The following LPIN2 variants were observed in gnomAD, a reference collection of about 807,000 sequenced individuals.
LPIN2 encodes lipin 2, also known as phosphatidate phosphatase LPIN2.
Under a neutral mutation model 111.4 loss-of-function variants are expected in LPIN2, and 55 were observed. The ratio of observed to expected loss-of-function variants is 0.49; its 90% CI spans 0.40 to 0.62. LPIN2 has a LOEUF of 0.62. Ranked by LOEUF, LPIN2 falls within the 20% of genes least tolerant of loss-of-function variation. The pLI is 0.00. For synonymous variants in LPIN2, 425 were observed against 414.0 expected, an observed-to-expected ratio of 1.03 and a Z score of -0.32; for missense variants, 992 against 1,112.1, an observed-to-expected ratio of 0.89 and a Z score of 1.54.
rs1397526157 is a variant in LPIN2 at position 2,925,220 on chromosome 18, T to C, written c.1938+4A>G. ...CTGGACAACACAGATCATGCAAGAC[T>C]CACGATCTGGTCTGAGGAGAGGCGG... On this transcript the variant is annotated splice_donor_region_variant and intron_variant, in intron 14 of 19. Coordinates refer to ENST00000677752, the MANE Select transcript of LPIN2 (RefSeq NM_001375808.2). This position sits in a 1 kb window ranked among gnomAD's most constrained non-coding sequence, Gnocchi z 4.1. 4.3e-6 allele frequency: 7 copies of C among 1,614,054 alleles called. No homozygotes were observed. In the South Asian group the frequency reaches 4.4e-5, roughly 10 times the overall value.
chr18:2,934,852 A>T (rs2077263946), intron 7 of LPIN2, among the ~76,000 whole-genome samples: 1 of 152,230 alleles, frequency 6.6e-6, no homozygotes, highest in African/African-American at 2.4e-5. Context: ...GGCACAGGAT[A>T]TTCACATGGT....
intron 1 of LPIN2, chr18:2,982,565 C>T: frequency 2.6e-6 from 1 of 385,240 alleles, no homozygotes; most frequent in South Asian, 2.2e-5. Flanking sequence ...TAAGAAAGGG[C>T]ATTAGTCTTT....
intron 1 of LPIN2, among the ~76,000 whole-genome samples, chr18:2,975,461 A>T (rs561137193): frequency 1.6e-4 from 25 of 152,192 alleles, no homozygotes; most frequent in African/African-American, 5.8e-4. Flanking sequence ...CAGCCTCTCG[A>T]GTAGCCGGGA....
rs1410707883 is a variant in LPIN2 at position 2,919,214 on chromosome 18, G to A, written c.*1079C>T. On this transcript the variant is annotated 3_prime_UTR_variant, in exon 20 of 20. Transcript: ENST00000677752. ...GGGCTAGGCTGGGGACACTGCTCGG[G>A]GGGCAGTCTGCTCCATAGGAGCTCC... The A allele has an allele frequency of 6.6e-6, 1 of 152,242 alleles. No individual in the cohort carries two copies. The highest frequency in any genetic ancestry group is 1.5e-5 in the Non-Finnish European group (1 of 68,076). 9.4% of individuals were successfully genotyped at this position (152,242 alleles called of 1,614,324 possible).
Position 2,921,659 on chromosome 18 carries a change from A to T in LPIN2, c.2328-12T>A. ...TTTCTATCACTTCTCTAAGAAAAAAATACAAATACAATCACCAATCTCAAA... is the reference window on the plus strand; with the variant it reads ...TTTCTATCACTTCTCTAAGAAAAAATTACAAATACAATCACCAATCTCAAA... On this transcript the variant is annotated splice_polypyrimidine_tract_variant and intron_variant, in intron 17 of 19. Coordinates refer to ENST00000677752, the MANE Select transcript of LPIN2 (RefSeq NM_001375808.2). 1 of 1,544,720 alleles carries T rather than the reference A, an allele frequency of 6.5e-7. No individual in the cohort carries two copies. The highest frequency in any genetic ancestry group is 9.0e-7 in the Non-Finnish European group (1 of 1,116,892).
At chr18:2,954,689 T>A in intron 2 of LPIN2, 90 bp from the exon 3 acceptor site, 1 of 942,900 alleles carries the variant, frequency 1.1e-6, no homozygotes, top group Non-Finnish European at 1.7e-6. Flanking sequence ...AAGTCAAACT[T>A]AGCATAGTTT....
At chr18:2,933,536 C>G (rs911826203) in intron 8 of LPIN2, among the ~76,000 whole-genome samples, 1 of 152,190 alleles carries the variant, frequency 6.6e-6, no homozygotes, top group Non-Finnish European at 1.5e-5. Context: ...GTTTTAAGAA[C>G]TTTCCCAAAA....
rs1417460855 is a variant in LPIN2, at chr18:2,925,345, C to G, written c.1817G>C (p.Ser606Thr). ...TTCGAGCTCCTGTGATCCCTCGTCA[C>G]TCGAGGAGTCATTCTCGGCCGGCCT... ...GARPAENDSS[S>T]DEGSQELEES... Residue 606 changes from serine to threonine, a missense_variant, in exon 14 of 20, where the codon AGT becomes ACT. By Grantham distance (58) the Ser-to-Thr change is moderately conservative. Transcript: ENST00000677752. The surrounding 1 kb of genome is among the most constrained non-coding windows in gnomAD (Gnocchi z 4.1). The G allele has an allele frequency of 1.9e-6, 3 of 1,614,012 alleles. No individual in the cohort carries two copies. Among genetic ancestry groups the G allele is most frequent in the Non-Finnish European group, 2.5e-6 (3 of 1,180,022 alleles).
Position 2,917,373 on chromosome 18 carries a change from G to A in LPIN2, c.*2920C>T, listed in dbSNP as rs1197928912. The A allele has an allele frequency of 1.3e-5, 2 of 151,752 alleles. No homozygotes were observed. Among genetic ancestry groups the A allele is most frequent in the African/African-American group, 4.9e-5 (2 of 41,028 alleles). 9.4% of individuals were successfully genotyped at this position (151,752 alleles called of 1,614,324 possible). ...GGGAAAACATCGAAATTCCCCGGAAGTCTGTTTTTGCCAACTTGTAAAAAG... is the reference window on the plus strand; with the variant it reads ...GGGAAAACATCGAAATTCCCCGGAAATCTGTTTTTGCCAACTTGTAAAAAG... On this transcript the variant is annotated 3_prime_UTR_variant, in exon 20 of 20. Coordinates refer to ENST00000677752, the MANE Select transcript of LPIN2 (RefSeq NM_001375808.2).
rs2077117999 is a variant in LPIN2 at position 2,925,502 on chromosome 18, CTCCCATA to C, written c.1794-141_1794-135del. Reference sequence around the variant, plus strand: ...GGGTAGAGTTATCCCTTCTGCCATTCTCCCATATCCACAGCTCTGTACGCCTGAAATA... The same window carrying C: ...GGGTAGAGTTATCCCTTCTGCCATTCTCCACAGCTCTGTACGCCTGAAATA... On this transcript the variant is annotated intron_variant, in intron 13 of 19. Transcript: ENST00000677752. The surrounding 1 kb of genome is among the most constrained non-coding windows in gnomAD (Gnocchi z 4.1). 3 of 1,191,950 alleles carry C rather than the reference CTCCCATA, an allele frequency of 2.5e-6. No homozygotes were observed. In the South Asian group the frequency reaches 3.8e-5, roughly 15 times the overall value. The allele number at this position is 1,191,950 out of a possible 1,614,324, so 73.8% of individuals were successfully genotyped here.
chr18:2,957,272 G>A (rs529759550), intron 2 of LPIN2, among the ~76,000 whole-genome samples: 1 of 152,260 alleles, frequency 6.6e-6, no homozygotes, highest in East Asian at 1.9e-4. Flanking sequence ...CAAGCTGAGT[G>A]TCTCAAATCC....
chr18:2,964,633 G>A (rs928726760), intron 1 of LPIN2, among the ~76,000 whole-genome samples: 1 of 152,196 alleles, frequency 6.6e-6, no homozygotes, highest in Admixed American at 6.5e-5. Flanking sequence ...TGTTGTTTAA[G>A]CCAAATACCA....
intron 8 of LPIN2, 127 bp from the exon 9 acceptor site, chr18:2,931,570 T>G: frequency 1.2e-6 from 1 of 860,994 alleles, no homozygotes; most frequent in Non-Finnish European, 1.9e-6. Flanking sequence ...GGACCTACAA[T>G]CAGGCATAAC....
At chr18:2,943,208 T>TTG (rs927696725) in intron 4 of LPIN2, among the ~76,000 whole-genome samples, 12 of 152,124 alleles carry the variant, frequency 7.9e-5, no homozygotes, top group Non-Finnish European at 5.9e-5. Context: ...TTTTTCTGTT[T>TTG]TGTTTTTTAG....
intron 1 of LPIN2, among the ~76,000 whole-genome samples, chr18:3,004,272 T>A (rs2078477952): frequency 1.3e-5 from 2 of 152,174 alleles, no homozygotes; most frequent in Admixed American, 1.3e-4. Flanking sequence ...TCCCTGTTCA[T>A]ACACCCCCTC....
intron 1 of LPIN2, among the ~76,000 whole-genome samples, chr18:3,002,702 A>G (rs2078451786): frequency 1.3e-5 from 2 of 152,238 alleles, no homozygotes; most frequent in African/African-American, 2.4e-5. Context: ...CAAACACATT[A>G]AACAATGTTT....
chr18:2,945,850 G>T, intron 4 of LPIN2: 1 of 1,469,648 alleles, frequency 6.8e-7, no homozygotes, highest in Non-Finnish European at 9.5e-7. Context: ...TGCCAGTCAT[G>T]TCTACATGGA....
At position 3,002,236 on chromosome 18, in the gene LPIN2, CAAAA is replaced by C. The variant is rs765641037; in HGVS notation, c.-10+10847_-10+10850del. On this transcript the variant is annotated intron_variant, in intron 1 of 19. Coordinates refer to ENST00000677752, the MANE Select transcript of LPIN2 (RefSeq NM_001375808.2). ...TTTAAAAGGATGACCTTCAAAAGAC[CAAAA>C]AAAAAAAAAAAAAAAAAACCCACCA... Among the ~76,000 whole-genome samples the C allele has an allele frequency of 1.4e-4, 12 of 82,814 alleles. No individual in the cohort carries two copies. The East Asian group carries it at 1.6e-3, about 11-fold the overall frequency. The allele number at this position is 82,814 out of a possible 152,430, so 54.3% of individuals were successfully genotyped here.
intron 1 of LPIN2, among the ~76,000 whole-genome samples, chr18:3,005,632 G>A (rs1350195542): frequency 2.0e-5 from 3 of 151,670 alleles, no homozygotes; most frequent in Non-Finnish European, 2.9e-5. Context: ...AGCTGAAATC[G>A]TGCCACTGTA....
Sources: allele counts gnomAD v4.1 joint callset (sites outside exome capture counted in the v4.1 genomes callset), GRCh38; gene constraint gnomAD v4.1.1; non-coding constraint Gnocchi (gnomAD v3.1); transcripts MANE v1.5; gene names NCBI Gene and HGNC (gene_info 2026-07-23, HGNC 2026-07-21).